The following PGLYRP2 variants were observed in gnomAD, a reference collection of about 807,000 sequenced individuals.
PGLYRP2 encodes the protein peptidoglycan recognition protein 2.
In PGLYRP2, 38 loss-of-function variants were observed where a neutral mutation model predicts 46.2. That is an observed-to-expected ratio of 0.82 (90% CI 0.64 to 1.08). PGLYRP2 has a LOEUF of 1.08. PGLYRP2 is among the 50% of genes least tolerant of loss of function. PGLYRP2 has a pLI of 0.00. For missense variants in PGLYRP2, 713 were observed against 755.9 expected, an observed-to-expected ratio of 0.94 and a Z score of 0.67; for synonymous variants, 289 against 329.4, an observed-to-expected ratio of 0.88 and a Z score of 1.33.
In PGLYRP2 at chr19:15,469,361, A is replaced by G. The variant is rs1364588558; in HGVS notation, c.1641+271T>C. ...GGGTCCATGCCTTGGCTGGAAAGGT[A>G]GAGGTATTAGGAGCTGGGGAAAGGA... is the stretch of plus-strand genomic sequence containing the variant. On this transcript the variant is annotated intron_variant, in intron 4 of 4. Coordinates refer to ENST00000340880, the MANE Select transcript of PGLYRP2 (RefSeq NM_052890.4). This position sits in a 1 kb window ranked among gnomAD's most constrained non-coding sequence, Gnocchi z 4.9. The G allele has an allele frequency of 2.9e-6, 2 of 681,420 alleles. No homozygotes were observed. 42.2% of individuals were successfully genotyped at this position (681,420 alleles called of 1,614,324 possible).
At position 15,469,500 on chromosome 19, in the gene PGLYRP2, G is replaced by C; in HGVS notation, c.1641+132C>G. The C allele has an allele frequency of 7.9e-7, 1 of 1,273,516 alleles. No individual in the cohort carries two copies. The highest frequency in any genetic ancestry group is 2.0e-5 in the Admixed American group (1 of 50,630). The allele number at this position is 1,273,516 out of a possible 1,614,324, so 78.9% of individuals were successfully genotyped here. A position where few individuals can be genotyped will look rare whatever the true frequency, so the allele number is the denominator to read the frequency against. On this transcript the variant is annotated intron_variant, in intron 4 of 4. Coordinates refer to ENST00000340880, the MANE Select transcript of PGLYRP2 (RefSeq NM_052890.4). This position sits in a 1 kb window ranked among gnomAD's most constrained non-coding sequence, Gnocchi z 4.9. ...CTGGGCCTAGGTTTCCTGAATAGACGTGCCGCCGGGAAGTTGGGGGCCTGG... is the reference window on the plus strand; with the variant it reads ...CTGGGCCTAGGTTTCCTGAATAGACCTGCCGCCGGGAAGTTGGGGGCCTGG...
chr19:15,472,981 A>C (rs1213177470), intron 2 of PGLYRP2, among the ~76,000 whole-genome samples: 3 of 152,198 alleles, frequency 2.0e-5, no homozygotes, highest in Admixed American at 6.5e-5. Context: ...AAATAGACAC[A>C]TAGACCAATG....
intron 1 of PGLYRP2, among the ~76,000 whole-genome samples, chr19:15,478,326 G>A (rs909479693): frequency 3.3e-5 from 5 of 152,244 alleles, no homozygotes; most frequent in Middle Eastern, 3.4e-3. Context: ...CAGCCTGGGC[G>A]ACAGAGTCAG....
intron 3 of PGLYRP2, among the ~76,000 whole-genome samples, chr19:15,470,293 C>CTTCCTTCCTTCCTTCCTTTCTTCT (rs769321802): frequency 2.0e-5 from 2 of 101,844 alleles, no homozygotes; most frequent in African/African-American, 8.3e-5. Flanking sequence ...TCCTTCCTTC[C>CTTCCTTCCTTCCTTCCTTTCTTCT]TTCTTTCTTT....
rs774420792 is a variant in PGLYRP2 at position 15,471,900 on chromosome 19, T to A, written c.1333A>T (p.Ile445Phe). Residue 445 changes from isoleucine to phenylalanine, a missense_variant, in exon 3 of 5, where the codon ATC becomes TTC. Ile to Phe is a conservative substitution (Grantham distance 21, BLOSUM62 0). Transcript: ENST00000340880. ...YHQDTQGWGD[I>F]GYSFVVGSDG... Reference sequence around the variant, plus strand: ...TCGGGCCCCTCCTACCTGTAGCCGATGTCTCCCCAGCCTTGCGTGTCCTGG... The same window carrying A: ...TCGGGCCCCTCCTACCTGTAGCCGAAGTCTCCCCAGCCTTGCGTGTCCTGG... 2 of 1,613,412 alleles carry A rather than the reference T, an allele frequency of 1.2e-6. No individual in the cohort carries two copies. Among genetic ancestry groups the A allele is most frequent in the Non-Finnish European group, 1.7e-6 (2 of 1,179,576 alleles).
In PGLYRP2 at chr19:15,479,461, T is replaced by C. The variant is rs1390594272; in HGVS notation, c.-90A>G. On this transcript the variant is annotated 5_prime_UTR_variant, in exon 1 of 5. Coordinates refer to ENST00000340880, the MANE Select transcript of PGLYRP2 (RefSeq NM_052890.4). ...CTGGAGGGAGACAGGCACAGAGAAC[T>C]GAGCAGAGCCTTTGACCACTGTCAA... The C allele has an allele frequency of 7.8e-7, 1 of 1,287,372 alleles. No individual in the cohort carries two copies. The highest frequency in any genetic ancestry group is 2.5e-5 in the East Asian group (1 of 40,258). The allele number at this position is 1,287,372 out of a possible 1,614,324, so 79.7% of individuals were successfully genotyped here.
chr19:15,471,449 G>T (rs1970748084), intron 3 of PGLYRP2, among the ~76,000 whole-genome samples: 1 of 150,322 alleles, frequency 6.7e-6, no homozygotes, highest in South Asian at 2.1e-4. Flanking sequence ...GATGGGTGGT[G>T]TGGGGGGGTG....
Position 15,475,523 on chromosome 19 carries a change from G to A in PGLYRP2, c.1132+15C>T. 5 of 1,568,568 alleles carry A rather than the reference G, an allele frequency of 3.2e-6. No homozygotes were observed. The highest frequency in any genetic ancestry group is 4.3e-6 in the Non-Finnish European group (5 of 1,155,128). ...TGTAATGGGAAGGATCACAGGGTGT[G>A]GGGAACTTCCTCACCCAGGAAGGCC... On this transcript the variant is annotated intron_variant, in intron 2 of 4. Transcript: ENST00000340880.
chr19:15,477,625 G>A (rs928205613), intron 1 of PGLYRP2, among the ~76,000 whole-genome samples: 1 of 151,568 alleles, frequency 6.6e-6, no homozygotes, highest in Non-Finnish European at 1.5e-5. Flanking sequence ...TTGAACCCAG[G>A]AGGTGGAGGT....
intron 1 of PGLYRP2, among the ~76,000 whole-genome samples, chr19:15,478,584 C>T (rs1182454038): frequency 2.0e-5 from 3 of 151,890 alleles, no homozygotes; most frequent in African/African-American, 7.3e-5. Context: ...AAGTTACCTG[C>T]CTAAGGTCAC....
chr19:15,475,892 G>T lies in PGLYRP2; in HGVS notation c.778C>A (p.Leu260Ile). The T allele has an allele frequency of 6.2e-7, 1 of 1,614,130 alleles. No homozygotes were observed. The highest frequency in any genetic ancestry group is 8.5e-7 in the Non-Finnish European group (1 of 1,180,024). The change falls in exon 2 of 5, where the codon CTT becomes ATT. Residue 260 changes from leucine to isoleucine, a missense_variant. Transcript: ENST00000340880. ...AACAGAGATGCCTTGGGGTCCAAAAGCGTAAAGGTCCGAGGGGCAGAGAGC... is the reference window on the plus strand; with the variant it reads ...AACAGAGATGCCTTGGGGTCCAAAATCGTAAAGGTCCGAGGGGCAGAGAGC... ...DQLSAPRTFTLLDPKASLLTM... is the reference protein window; with the variant it reads ...DQLSAPRTFTILDPKASLLTM...
chr19:15,469,185 G>C lies in PGLYRP2; in HGVS notation c.1642-433C>G. 1.7e-6 allele frequency: 1 copy of C among 588,898 alleles called. No individual in the cohort carries two copies. The highest frequency in any genetic ancestry group is 3.0e-6 in the Non-Finnish European group (1 of 330,198). The allele number at this position is 588,898 out of a possible 1,614,324, so 36.5% of individuals were successfully genotyped here. ...GTCACAGCCTAGGTTCATGTTGTGTGGACAGAGGGCCTTCGGGTAGGGGCA... is the reference window on the plus strand; with the variant it reads ...GTCACAGCCTAGGTTCATGTTGTGTCGACAGAGGGCCTTCGGGTAGGGGCA... On this transcript the variant is annotated intron_variant, in intron 4 of 4. Coordinates refer to ENST00000340880, the MANE Select transcript of PGLYRP2 (RefSeq NM_052890.4). The surrounding 1 kb of genome is among the most constrained non-coding windows in gnomAD (Gnocchi z 4.9).
chr19:15,476,598 G>C lies in PGLYRP2; in HGVS notation c.72C>G (p.Pro24=). The change falls in exon 2 of 5, where the codon CCC becomes CCG. Residue 24 remains proline, a synonymous_variant. Transcript: ENST00000340880. ...CCTGGATGACAGAGTCCATGAGCAGGGGCAGGGAGGCTGCAGGAGGAAAGA... is the reference window on the plus strand; with the variant it reads ...CCTGGATGACAGAGTCCATGAGCAGCGGCAGGGAGGCTGCAGGAGGAAAGA... The part of the protein sequence containing the change: ...LWSDPGTASL[P]LLMDSVIQAL... 1 of 1,597,382 alleles carries C rather than the reference G, an allele frequency of 6.3e-7. No individual in the cohort carries two copies.
Position 15,469,917 on chromosome 19 carries a change from G to T in PGLYRP2, c.1356C>A (p.Gly452=). ...GTCCCTCGTACACGTAGCCGTCCGA[G>T]CCCACCACGAAACTGCAGAGGGGAG... ...WGDIGYSFVV[G]SDGYVYEGRG... The change falls in exon 4 of 5, where the codon GGC becomes GGA. Residue 452 remains glycine (G), a synonymous_variant. Transcript: ENST00000340880. The surrounding 1 kb of genome is among the most constrained non-coding windows in gnomAD (Gnocchi z 4.9). 7.0e-7 allele frequency: 1 copy of T among 1,434,752 alleles called. No individual in the cohort carries two copies. The highest frequency in any genetic ancestry group is 9.1e-7 in the Non-Finnish European group (1 of 1,099,194). The allele number at this position is 1,434,752 out of a possible 1,614,324, so 88.9% of individuals were successfully genotyped here.
rs746261223 is a variant in PGLYRP2 at position 15,475,929 on chromosome 19, G to A, written c.741C>T (p.Gly247=). Residue 247 remains glycine, a synonymous_variant, in exon 2 of 5, where the codon GGC becomes GGT. Coordinates refer to ENST00000340880, the MANE Select transcript of PGLYRP2 (RefSeq NM_052890.4). Reference sequence around the variant, plus strand: ...GAGGGGCAGAGAGCTGGTCCCAGCAGCCCTCAGTTCCCAGGTCTGGATGGC... The same window carrying A: ...GAGGGGCAGAGAGCTGGTCCCAGCAACCCTCAGTTCCCAGGTCTGGATGGC... ...TQSHPDLGTE[G]CWDQLSAPRT... is the part of the protein sequence containing the mutation. 6.2e-7 allele frequency: 1 copy of A among 1,614,174 alleles called. No homozygotes were observed. The highest frequency in any genetic ancestry group is 1.1e-5 in the South Asian group (1 of 91,088).
In PGLYRP2 at chr19:15,476,292, C is replaced by T. The variant is rs35973013; in HGVS notation, c.378G>A (p.Ala126=). 17,292 of 1,614,164 alleles carry T rather than the reference C, an allele frequency of 0.011. 301 individuals carry two copies. Among genetic ancestry groups the T allele is most frequent in the African/African-American group, 0.046 (3,473 of 75,034 alleles). ...GSTVAVEPLL[A]GLEAGLQGRR... ...GCCCTTGCAGCCCTGCCTCCAGCCC[C>T]GCCAGCAGAGGCTCCACAGCCACGG... The change falls in exon 2 of 5, where the codon GCG becomes GCA. Residue 126 remains alanine (A), a synonymous_variant. Transcript: ENST00000340880.
chr19:15,477,740 A>AATAAAATAAAATAAAATAAT (rs1568342858), intron 1 of PGLYRP2, among the ~76,000 whole-genome samples: 1 of 151,606 alleles, frequency 6.6e-6, no homozygotes, highest in Non-Finnish European at 1.5e-5. Flanking sequence ...AATAAAATAA[A>AATAAAATAAAATAAAATAAT]ATAAAATAAA....
chr19:15,470,676 C>T (rs1970740109), intron 3 of PGLYRP2, among the ~76,000 whole-genome samples: 1 of 151,372 alleles, frequency 6.6e-6, no homozygotes, highest in Admixed American at 6.6e-5. Flanking sequence ...CGGAGTTTCG[C>T]TCTTGTAGCC....
chr19:15,471,757 A>G, intron 3 of PGLYRP2, 133 bp downstream of exon 3: 2 of 1,027,768 alleles, frequency 1.9e-6, no homozygotes, highest in Non-Finnish European at 2.8e-6. Context: ...ACTTTGCTCT[A>G]CCTATCAGGA....
Sources: gnomAD v4.1 joint callset for allele counts (sites outside exome capture counted in the v4.1 genomes callset) on GRCh38, gnomAD v4.1.1 for gene constraint, Gnocchi (gnomAD v3.1) non-coding constraint, MANE v1.5 for transcripts, NCBI Gene and HGNC (gene_info 2026-07-23, HGNC 2026-07-21) for gene names.